The following KIF26B variants were observed in gnomAD, a reference collection of about 807,000 sequenced individuals.
KIF26B encodes kinesin family member 26B, also known as kinesin-like protein KIF26B.
KIF26B carries 63 observed loss-of-function variants against 151.2 expected under a neutral mutation model. The observed-to-expected ratio is 0.42, with a 90% CI of 0.34 to 0.51. The LOEUF (loss-of-function observed/expected upper bound fraction) is 0.51, where lower values mean the gene tolerates loss of function less well. KIF26B is among the 20% of genes least tolerant of loss of function. The pLI is 0.07. For missense variants in KIF26B, 2,813 were observed against 2,913.6 expected (o/e 0.97, Z 0.79); for synonymous variants, 1,357 against 1,262.1 (o/e 1.08, Z -1.59).
At chr1:245,253,438 A>G (rs1227599822) in intron 2 of KIF26B, among the ~76,000 whole-genome samples, 1 of 152,182 alleles carries the variant, frequency 6.6e-6, no homozygotes, top group Non-Finnish European at 1.5e-5. Context: ...TTGACTTGCT[A>G]ACATTTCATT....
intron 4 of KIF26B, among the ~76,000 whole-genome samples, chr1:245,521,174 A>G (rs569754648): frequency 6.6e-6 from 1 of 152,236 alleles, no homozygotes; most frequent in African/African-American, 2.4e-5. Context: ...CGTCTTTACT[A>G]AAAATACAAA....
Position 245,186,947 on chromosome 1 carries a change from C to T in KIF26B, c.465+30264C>T, listed in dbSNP as rs569423775. On this transcript the variant is annotated intron_variant, in intron 2 of 14. Transcript: ENST00000407071. ...TCTTGGCTCACTGCAACTTCCACCTCCTGGATTCAAGTGATTCTCCTGCCT... is the reference window on the plus strand; with the variant it reads ...TCTTGGCTCACTGCAACTTCCACCTTCTGGATTCAAGTGATTCTCCTGCCT... Among the ~76,000 whole-genome samples, 11 of 152,160 alleles carry T rather than the reference C, an allele frequency of 7.2e-5. No individual in the cohort carries two copies. The South Asian group carries it at 1.7e-3, about 23-fold the overall frequency.
Position 245,549,586 on chromosome 1 carries a change from A to T in KIF26B, c.1350+8636A>T, listed in dbSNP as rs528865768. On this transcript the variant is annotated intron_variant, in intron 5 of 14. Coordinates refer to ENST00000407071, the MANE Select transcript of KIF26B (RefSeq NM_018012.4). Reference sequence around the variant, plus strand: ...TATCCCATTAAAATGGGATCGATAGAAATATTTTATGTTAAAAAAATGGTG... The same window carrying T: ...TATCCCATTAAAATGGGATCGATAGTAATATTTTATGTTAAAAAAATGGTG... 9.8e-5 allele frequency among the ~76,000 whole-genome samples: 15 copies of T among 152,326 alleles called. No homozygotes were observed. In the South Asian group the frequency reaches 3.1e-3, roughly 32 times the overall value.
chr1:245,500,035 G>C (rs1660589512), intron 4 of KIF26B, among the ~76,000 whole-genome samples: 1 of 152,218 alleles, frequency 6.6e-6, no homozygotes, highest in African/African-American at 2.4e-5. Context: ...CATCATCAAT[G>C]AGATTGCAGA....
chr1:245,236,149 C>T (rs1206629496), intron 2 of KIF26B, among the ~76,000 whole-genome samples: 3 of 152,078 alleles, frequency 2.0e-5, no homozygotes, highest in African/African-American at 4.8e-5. Flanking sequence ...AGGCTGGTCT[C>T]GAACTCCTGA....
chr1:245,310,490 C>T (rs1671645432), intron 2 of KIF26B, among the ~76,000 whole-genome samples: 1 of 152,194 alleles, frequency 6.6e-6, no homozygotes, highest in South Asian at 2.1e-4. Context: ...GACTGAGGCA[C>T]TCAGAGCTTA....
chr1:245,414,482 A>G (rs1572050420), intron 3 of KIF26B, among the ~76,000 whole-genome samples: 1 of 152,324 alleles, frequency 6.6e-6, no homozygotes, highest in Non-Finnish European at 1.5e-5. Context: ...TGGTCTGAGC[A>G]GGGCTGAAGC....
At chr1:245,595,421 C>T (rs1010921704) in intron 5 of KIF26B, among the ~76,000 whole-genome samples, 3 of 151,650 alleles carry the variant, frequency 2.0e-5, no homozygotes, top group Admixed American at 1.3e-4. Flanking sequence ...TTGAGATAAT[C>T]GTGGTTTTTG....
At position 245,166,408 on chromosome 1, in the gene KIF26B, T is replaced by C. The variant is rs1447832685; in HGVS notation, c.465+9725T>C. On this transcript the variant is annotated intron_variant, in intron 2 of 14. Transcript: ENST00000407071. The surrounding 1 kb of genome is among the most constrained non-coding windows in gnomAD (Gnocchi z 4.5). ...GGATAAAGCATCTCATTCTTATTTA[T>C]TCATTTGTAGAGTTGTCACCACAGA... Among the ~76,000 whole-genome samples, 1 of 152,206 alleles carries C rather than the reference T, an allele frequency of 6.6e-6. No individual in the cohort carries two copies. Among genetic ancestry groups the C allele is most frequent in the Non-Finnish European group, 1.5e-5 (1 of 68,032 alleles).
intron 4 of KIF26B, among the ~76,000 whole-genome samples, chr1:245,426,013 G>A (rs1014992312): frequency 2.6e-5 from 4 of 152,018 alleles, no homozygotes; most frequent in Non-Finnish European, 4.4e-5. Flanking sequence ...TTTATTTTCC[G>A]TGATTTTATT....
chr1:245,282,300 C>T (rs1671071480), intron 2 of KIF26B, among the ~76,000 whole-genome samples: 1 of 152,086 alleles, frequency 6.6e-6, no homozygotes, highest in African/African-American at 2.4e-5. Flanking sequence ...AATCCTAAGC[C>T]AAAAGAACAA....
chr1:245,304,247 C>T (rs970117923), intron 2 of KIF26B, among the ~76,000 whole-genome samples: 1 of 152,162 alleles, frequency 6.6e-6, no homozygotes, highest in Non-Finnish European at 1.5e-5. Context: ...GATATATTCC[C>T]TCTAGAGATG....
At chr1:245,581,600 A>G (rs953797615) in intron 5 of KIF26B, among the ~76,000 whole-genome samples, 3 of 152,236 alleles carry the variant, frequency 2.0e-5, no homozygotes, top group African/African-American at 2.4e-5. Flanking sequence ...TTCAGTTCCT[A>G]TAAGAGTCTA....
At chr1:245,539,893 G>T (rs1236362364) in intron 4 of KIF26B, among the ~76,000 whole-genome samples, 7 of 152,050 alleles carry the variant, frequency 4.6e-5, no homozygotes, top group Non-Finnish European at 8.8e-5. Flanking sequence ...CCTCAGGTGA[G>T]CTGCCTGCCT....
intron 2 of KIF26B, among the ~76,000 whole-genome samples, chr1:245,238,435 G>C (rs1310969528): frequency 1.3e-5 from 2 of 152,236 alleles, no homozygotes; most frequent in East Asian, 3.8e-4. Flanking sequence ...ATTTGATGAA[G>C]GACCAGTTTT....
chr1:245,607,627 C>A, intron 6 of KIF26B, 24 bp from the exon 7 acceptor site: 1 of 1,584,622 alleles, frequency 6.3e-7, no homozygotes, highest in South Asian at 1.1e-5. Context: ...ATTCACGGCT[C>A]GTGTCTCCTC....
At chr1:245,234,656 C>A (rs2103556911) in intron 2 of KIF26B, among the ~76,000 whole-genome samples, 1 of 152,282 alleles carries the variant, frequency 6.6e-6, no homozygotes, top group Admixed American at 6.5e-5. Context: ...GTGCTCCAGT[C>A]TGCAGGTGGA....
At chr1:245,425,626 C>T (rs900519675) in intron 4 of KIF26B, among the ~76,000 whole-genome samples, 2 of 152,156 alleles carry the variant, frequency 1.3e-5, no homozygotes, top group Non-Finnish European at 2.9e-5. Flanking sequence ...AAGATGGTCT[C>T]GATCTCCTGA....
Position 245,581,405 on chromosome 1 carries a change from A to T in KIF26B, c.1351-21172A>T, listed in dbSNP as rs1221227623. 4.6e-5 allele frequency among the ~76,000 whole-genome samples: 7 copies of T among 151,510 alleles called. No homozygotes were observed. In the South Asian group the frequency reaches 6.2e-4, roughly 13 times the overall value. Reference sequence around the variant, plus strand: ...CATTATAGTGATGAAGAAAGAAAGAAAGATAGATAGATAGATAATAGAGAA... The same window carrying T: ...CATTATAGTGATGAAGAAAGAAAGATAGATAGATAGATAGATAATAGAGAA... On this transcript the variant is annotated intron_variant, in intron 5 of 14. Transcript: ENST00000407071.
Sources: gnomAD v4.1 joint callset for allele counts (sites outside exome capture counted in the v4.1 genomes callset) on GRCh38, gnomAD v4.1.1 for gene constraint, Gnocchi (gnomAD v3.1) non-coding constraint, MANE v1.5 for transcripts, NCBI Gene and HGNC (gene_info 2026-07-23, HGNC 2026-07-21) for gene names.